The following BMPER variants were observed in gnomAD, a reference collection of about 807,000 sequenced individuals.
BMPER encodes BMP binding endothelial regulator.
A neutral mutation model predicts 87.3 loss-of-function variants in BMPER; 45 were observed. The observed-to-expected ratio is 0.52, with a 90% CI of 0.41 to 0.66. The LOEUF is 0.66. Among genes scored for constraint, BMPER ranks in the 30% least tolerant of loss-of-function variants. BMPER has a pLI of 0.00. For missense variants in BMPER, 784 were observed against 867.5 expected (o/e 0.90, Z 1.21); for synonymous variants, 326 against 316.2 (o/e 1.03, Z -0.33).
intron 13 of BMPER, among the ~76,000 whole-genome samples, chr7:34,128,788 T>A (rs1191615466): frequency 6.6e-6 from 1 of 152,174 alleles, no homozygotes; most frequent in African/African-American, 2.4e-5. Context: ...TCCTGAGAGA[T>A]AGAAGCTGTC....
chr7:34,006,116 T>C (rs564860156), intron 6 of BMPER, among the ~76,000 whole-genome samples: 11 of 152,144 alleles, frequency 7.2e-5, no homozygotes, highest in African/African-American at 2.4e-4. Flanking sequence ...TTAGAAAATA[T>C]TGAGTTCTAA....
chr7:33,924,556 C>T (rs1562633137), intron 2 of BMPER, among the ~76,000 whole-genome samples: 2 of 152,246 alleles, frequency 1.3e-5, no homozygotes, highest in African/African-American at 2.4e-5. Context: ...GAGCTTTGCT[C>T]TTTCCAGTGC....
At chr7:34,131,566 C>A (rs970559810) in intron 13 of BMPER, among the ~76,000 whole-genome samples, 2 of 152,178 alleles carry the variant, frequency 1.3e-5, no homozygotes, top group African/African-American at 4.8e-5. Flanking sequence ...ATGGAAGGAT[C>A]GGCCCCTTTG....
chr7:34,031,897 T>C, intron 6 of BMPER, among the ~76,000 whole-genome samples: 1 of 115,554 alleles, frequency 8.7e-6, no homozygotes, highest in African/African-American at 3.6e-5. Context: ...TATATATATA[T>C]ATATATATAT....
In BMPER at chr7:34,150,713, C is replaced by T. The variant is rs1348139576; in HGVS notation, c.1877-2379C>T. Among the ~76,000 whole-genome samples, 3 of 152,166 alleles carry T rather than the reference C, an allele frequency of 2.0e-5. No individual in the cohort carries two copies. The East Asian group carries it at 5.8e-4, about 29-fold the overall frequency. ...AAAGGAAGGGTTATGTCAATCCACC[C>T]ACTCACTCACCCATGTATCCATCCA... is the stretch of plus-strand genomic sequence containing the variant. On this transcript the variant is annotated intron_variant, in intron 14 of 14. Transcript: ENST00000649409.
chr7:34,134,497 T>C (rs1371576776), intron 13 of BMPER, among the ~76,000 whole-genome samples: 2 of 151,836 alleles, frequency 1.3e-5, no homozygotes, highest in African/African-American at 2.4e-5. Context: ...TCTAGAAGAG[T>C]GACAATTCAG....
intron 5 of BMPER, 127 bp downstream of exon 5, chr7:33,970,546 C>T (rs1785517852): frequency 1.1e-5 from 11 of 975,420 alleles, no homozygotes; most frequent in East Asian, 4.9e-5. Flanking sequence ...GTTTAGAGAG[C>T]GAGCTCCTTT....
intron 14 of BMPER, 50 bp from the exon 15 acceptor site, chr7:34,153,042 T>C (rs764468268): frequency 6.2e-7 from 1 of 1,606,938 alleles, no homozygotes; most frequent in Non-Finnish European, 8.5e-7. Context: ...TGAGGGTGAA[T>C]TAATGGGGCC....
At chr7:33,938,381 C>G (rs192161994) in intron 3 of BMPER, among the ~76,000 whole-genome samples, 449 of 152,242 alleles carry the variant, frequency 2.9e-3, no homozygotes, top group Non-Finnish European at 5.4e-3. Flanking sequence ...AAGATGAAGT[C>G]ATGCTGAATT....
chr7:34,100,493 A>T (rs1303181341), intron 13 of BMPER, among the ~76,000 whole-genome samples: 1 of 152,206 alleles, frequency 6.6e-6, no homozygotes, highest in Non-Finnish European at 1.5e-5. Context: ...CGACGCAGCC[A>T]ACCCCTTCTG....
intron 13 of BMPER, among the ~76,000 whole-genome samples, chr7:34,121,265 C>T (rs1029473070): frequency 6.6e-6 from 1 of 152,152 alleles, no homozygotes; most frequent in East Asian, 1.9e-4. Flanking sequence ...GTGCTGGCTA[C>T]ATAGGTATTT....
At chr7:34,039,478 G>A (rs1231547610) in intron 6 of BMPER, among the ~76,000 whole-genome samples, 1 of 152,060 alleles carries the variant, frequency 6.6e-6, no homozygotes, top group Non-Finnish European at 1.5e-5. Context: ...AGCAGGTAGA[G>A]GCCAGGGATG....
intron 8 of BMPER, among the ~76,000 whole-genome samples, chr7:34,053,181 C>T (rs761100151): frequency 7.9e-5 from 12 of 152,104 alleles, no homozygotes; most frequent in East Asian, 1.9e-4. Context: ...CGTCTCTGTG[C>T]GTAGCAGGAA....
At chr7:34,002,594 T>C (rs1187132902) in intron 6 of BMPER, among the ~76,000 whole-genome samples, 1 of 151,860 alleles carries the variant, frequency 6.6e-6, no homozygotes, top group Non-Finnish European at 1.5e-5. Flanking sequence ...TTCTGCTTAG[T>C]TGTTCTATCT....
At chr7:34,063,038 C>T (rs978539936) in intron 11 of BMPER, among the ~76,000 whole-genome samples, 2 of 152,188 alleles carry the variant, frequency 1.3e-5, no homozygotes, top group Non-Finnish European at 2.9e-5. Context: ...ATGCCTAGAT[C>T]TATTAGCAAA....
At chr7:33,905,419 G>GCCCCCCCCCCCCCCCCCCC, upstream of BMPER, 8 of 110,388 alleles carry the variant, frequency 7.2e-5, no homozygotes, top group South Asian at 1.8e-4. Context: ...CTCCCCGGGC[G>GCCCCCCCCCCCCCCCCCCC]CCCCCACACC....
chr7:33,922,617 G>T (rs1784262074), intron 2 of BMPER, among the ~76,000 whole-genome samples: 1 of 152,160 alleles, frequency 6.6e-6, no homozygotes, highest in Admixed American at 6.5e-5. Flanking sequence ...ACCAGAAAGA[G>T]AAACTAAGAA....
chr7:34,042,216 A>T (rs1005284652), intron 6 of BMPER, among the ~76,000 whole-genome samples: 6 of 152,214 alleles, frequency 3.9e-5, no homozygotes, highest in African/African-American at 1.2e-4. Context: ...TCTTTTTAAA[A>T]AATAGCTAAT....
intron 13 of BMPER, among the ~76,000 whole-genome samples, chr7:34,099,390 C>A (rs958220499): frequency 2.6e-5 from 4 of 152,132 alleles, no homozygotes; most frequent in South Asian, 2.1e-4. Context: ...GCAAATATTT[C>A]TTGTGCTATA....
Sources: gnomAD v4.1 joint callset for allele counts (sites outside exome capture counted in the v4.1 genomes callset) on GRCh38, gnomAD v4.1.1 for gene constraint, MANE v1.5 for transcripts, NCBI Gene and HGNC (gene_info 2026-07-23, HGNC 2026-07-21) for gene names.